GCA: variants seen among roughly 807,000 people sequenced by gnomAD.
The protein encoded by GCA is grancalcin, EF-hand calcium-binding protein.
In GCA, 30 loss-of-function variants were observed where a neutral mutation model predicts 32.6. The observed-to-expected ratio is 0.92, with a 90% CI of 0.69 to 1.25. The LOEUF is 1.25. Among genes scored for constraint, GCA ranks in the 50% most tolerant of loss-of-function variants. The pLI, the probability that GCA is intolerant of heterozygous loss-of-function variation, is 0.00. For missense variants in GCA, 291 were observed against 266.8 expected (o/e 1.09, Z -0.63); for synonymous variants, 102 against 84.6 (o/e 1.21, Z -1.13).
chr2:162,349,734 C>T (rs1040944920), intron 2 of GCA, among the ~76,000 whole-genome samples: 13 of 151,726 alleles, frequency 8.6e-5, no homozygotes, highest in Middle Eastern at 3.2e-3. Context: ...GGGACAGGCT[C>T]GATGATAAAA....
chr2:162,368,372 T>G (rs1261397856), intron 4 of GCA, among the ~76,000 whole-genome samples: 1 of 152,070 alleles, frequency 6.6e-6, no homozygotes, highest in Non-Finnish European at 1.5e-5. Context: ...ATAAGCAATT[T>G]AGACACTCTG....
chr2:162,324,099 C>T (rs1296715078), intron 1 of GCA, among the ~76,000 whole-genome samples: 1 of 152,022 alleles, frequency 6.6e-6, no homozygotes, highest in Non-Finnish European at 1.5e-5. Context: ...ACGGCAGTGT[C>T]TAGGGGTGGA....
At chr2:162,374,256 A>G (rs1319180409), downstream of GCA, among the ~76,000 whole-genome samples, 3 of 152,166 alleles carry the variant, frequency 2.0e-5, no homozygotes, top group African/African-American at 7.2e-5. Context: ...TTGGTATGTA[A>G]GAAGCAGACC....
At chr2:162,358,076 G>A (rs532351956) in intron 5 of GCA, among the ~76,000 whole-genome samples, 26 of 151,512 alleles carry the variant, frequency 1.7e-4, no homozygotes, top group Non-Finnish European at 3.4e-4. Flanking sequence ...ATAGCTGCAT[G>A]TATAATTTTC....
chr2:162,364,141 C>A (rs985255766), downstream of GCA, among the ~76,000 whole-genome samples: 3 of 151,344 alleles, frequency 2.0e-5, no homozygotes, highest in African/African-American at 7.3e-5. Context: ...CCAATGTTTT[C>A]CCTTAACCAT....
At chr2:162,369,194 G>T (rs1026145854) in intron 4 of GCA, among the ~76,000 whole-genome samples, 5 of 152,148 alleles carry the variant, frequency 3.3e-5, no homozygotes, top group South Asian at 2.1e-4. Context: ...TAGCCAACAG[G>T]GGGGATGATG....
intron 1 of GCA, among the ~76,000 whole-genome samples, chr2:162,331,468 G>T (rs956220320): frequency 6.6e-6 from 1 of 152,242 alleles, no homozygotes. Flanking sequence ...CAATGCAACA[G>T]TGTTAAGAGG....
chr2:162,325,968 T>C (rs1576255000), intron 1 of GCA, among the ~76,000 whole-genome samples: 1 of 151,668 alleles, frequency 6.6e-6, no homozygotes, highest in South Asian at 2.1e-4. Context: ...GTAAGACGGG[T>C]TTGTTTAGGG....
chr2:162,336,109 AT>A lies in GCA; in HGVS notation c.-30-11460del, dbSNP rs751776757. Among the ~76,000 whole-genome samples, 13 of 151,804 alleles carry A rather than the reference AT, an allele frequency of 8.6e-5. 1 individual carries two copies. The highest frequency in any genetic ancestry group is 1.9e-4 in the African/African-American group (8 of 41,430). On this transcript the variant is annotated intron_variant, in intron 1 of 4. Transcript: ENST00000429691. ...AAATTTAAGAACTGAATATCAGCTG[AT>A]TTTTTTTTGTTATTGTAATACTACG...
At chr2:162,371,108 T>G (rs550551368) in intron 4 of GCA, among the ~76,000 whole-genome samples, 6 of 152,070 alleles carry the variant, frequency 3.9e-5, no homozygotes, top group African/African-American at 1.4e-4. Flanking sequence ...AAAAGCAAAA[T>G]GAGAGAAATT....
intron 3 of GCA, among the ~76,000 whole-genome samples, chr2:162,354,676 A>G (rs1685172837): frequency 6.6e-6 from 1 of 152,174 alleles, no homozygotes; most frequent in South Asian, 2.1e-4. Context: ...GTTGCTTCTC[A>G]GCTTTTCTCA....
At chr2:162,330,667 T>C (rs948578674) in intron 1 of GCA, among the ~76,000 whole-genome samples, 1 of 152,226 alleles carries the variant, frequency 6.6e-6, no homozygotes, top group African/African-American at 2.4e-5. Context: ...TGGTTAGAAC[T>C]TTAGTGTCAG....
intron 2 of GCA, among the ~76,000 whole-genome samples, chr2:162,350,528 A>T (rs1684938756): frequency 1.3e-5 from 2 of 152,190 alleles, no homozygotes; most frequent in Non-Finnish European, 1.5e-5. Context: ...ATTTTAAAGG[A>T]TTATACTGGG....
chr2:162,365,442 T>C (rs1033621308), downstream of GCA, among the ~76,000 whole-genome samples: 1 of 151,602 alleles, frequency 6.6e-6, no homozygotes, highest in Non-Finnish European at 1.5e-5. Context: ...TACTAAAAAA[T>C]AAATATTTCT....
At position 162,361,259 on chromosome 2, in the gene GCA, T is replaced by C. The variant is rs1685559968; in HGVS notation, c.*1016T>C. 1.0e-6 allele frequency: 1 copy of C among 984,708 alleles called. No individual in the cohort carries two copies. The highest frequency in any genetic ancestry group is 1.2e-6 in the Non-Finnish European group (1 of 829,446). 61.0% of individuals were successfully genotyped at this position (984,708 alleles called of 1,614,324 possible). On this transcript the variant is annotated 3_prime_UTR_variant, in exon 8 of 8. Coordinates refer to ENST00000437150, the MANE Select transcript of GCA (RefSeq NM_012198.5). ...AGCATAGTAGGCACCACAGCAACTT[T>C]TCTGCGTGGTACTAAAACTGCCGAA... is the stretch of plus-strand genomic sequence containing the variant.
intron 3 of GCA, among the ~76,000 whole-genome samples, chr2:162,355,916 C>T (rs954756647): frequency 6.6e-6 from 1 of 151,976 alleles, no homozygotes; most frequent in African/African-American, 2.4e-5. Flanking sequence ...AATTTCCCTT[C>T]TGCTTCTGAA....
intron 1 of GCA, among the ~76,000 whole-genome samples, chr2:162,327,910 G>T (rs1324674634): frequency 1.3e-5 from 2 of 152,230 alleles, no homozygotes; most frequent in Non-Finnish European, 2.9e-5. Context: ...TGCTGGGCAT[G>T]GTGGCTCCAC....
Position 162,352,339 on chromosome 2 carries a change from A to T in GCA, c.194A>T (p.Asp65Val), listed in dbSNP as rs1309960649. ...TAGGTCATAATTATTTTTAAACAGGATGGTGAAGTGGATGCTGAAGAACTT... is the reference window on the plus strand; with the variant it reads ...TAGGTCATAATTATTTTTAAACAGGTTGGTGAAGTGGATGCTGAAGAACTT... ...YTYFSAVAGQ[D>V]GEVDAEELQR... is the part of the protein sequence containing the mutation. Residue 65 changes from aspartate (D) to valine (V), a missense_variant and splice_region_variant, in exon 3 of 8, where the codon GAT becomes GTT. Asp to Val is a radical substitution (Grantham distance 152). Transcript: ENST00000437150. 1.3e-6 allele frequency: 2 copies of T among 1,552,696 alleles called. No homozygotes were observed. The highest frequency in any genetic ancestry group is 1.8e-6 in the Non-Finnish European group (2 of 1,124,398).
downstream of GCA, among the ~76,000 whole-genome samples, chr2:162,367,631 A>G (rs1685796636): frequency 6.6e-6 from 1 of 152,056 alleles, no homozygotes; most frequent in Non-Finnish European, 1.5e-5. Flanking sequence ...TAAGAGAGAT[A>G]AAACAATAGT....
Sources: gnomAD v4.1 joint callset for allele counts (sites outside exome capture counted in the v4.1 genomes callset) on GRCh38, gnomAD v4.1.1 for gene constraint, MANE v1.5 for transcripts, NCBI Gene and HGNC (gene_info 2026-07-23, HGNC 2026-07-21) for gene names.